The following ATXN3 variants were observed in gnomAD, a reference collection of about 807,000 sequenced individuals.
ATXN3 encodes ataxin-3.
Under a neutral mutation model 58.2 loss-of-function variants are expected in ATXN3, and 28 were observed. The observed-to-expected ratio is 0.48, with a 90% CI of 0.36 to 0.66. The LOEUF (loss-of-function observed/expected upper bound fraction) is 0.66, where lower values mean the gene tolerates loss of function less well. ATXN3 is among the 30% of genes least tolerant of loss of function. The probability of loss-of-function intolerance (pLI) is 0.00; values close to 1 mark genes in which losing one functional copy is unlikely to be tolerated. For synonymous variants in ATXN3, 113 were observed against 138.5 expected (o/e 0.82, Z 1.29); for missense variants, 321 against 422.1 (o/e 0.76, Z 2.10).
At position 92,062,250 on chromosome 14, in the gene ATXN3, C is replaced by A. The variant is rs1377883906; in HGVS notation, c.*2070G>T. The A allele has an allele frequency of 1.3e-5, 2 of 151,640 alleles. No homozygotes were observed. Among genetic ancestry groups the A allele is most frequent in the Non-Finnish European group, 2.9e-5 (2 of 67,980 alleles). The allele number at this position is 151,640 out of a possible 1,614,324, so 9.4% of individuals were successfully genotyped here. A position where few individuals can be genotyped will look rare whatever the true frequency, so the allele number is the denominator to read the frequency against. On this transcript the variant is annotated 3_prime_UTR_variant, in exon 11 of 11. Coordinates refer to ENST00000644486, the MANE Select transcript of ATXN3 (RefSeq NM_004993.6). ...CCAGCCTGGGAGACATAGCAAGACT[C>A]CGTCTCAAAAAAAAACAAAAACAAA...
downstream of ATXN3, among the ~76,000 whole-genome samples, chr14:92,056,346 C>A (rs533453044): frequency 2.6e-5 from 4 of 152,100 alleles, no homozygotes; most frequent in South Asian, 6.2e-4. Flanking sequence ...AGGTTACTGC[C>A]GGTATGTAAA....
intron 1 of ATXN3, among the ~76,000 whole-genome samples, chr14:92,101,275 G>A (rs1271811658): frequency 2.0e-5 from 3 of 152,132 alleles, no homozygotes; most frequent in African/African-American, 7.2e-5. Context: ...AGGCTACACG[G>A]AGCTAAGATT....
At chr14:92,083,969 C>T (rs374576695) in intron 6 of ATXN3, among the ~76,000 whole-genome samples, 3 of 152,172 alleles carry the variant, frequency 2.0e-5, no homozygotes, top group African/African-American at 4.8e-5. Context: ...AAACATCAGA[C>T]TCCAAGTTCT....
intron 5 of ATXN3, among the ~76,000 whole-genome samples, chr14:92,089,306 A>ACTGCAC (rs1250555078): frequency 2.3e-4 from 33 of 145,402 alleles, no homozygotes; most frequent in African/African-American, 8.2e-4. Flanking sequence ...AACATGAGCC[A>ACTGCAC]CTGCACCTGG....
intron 10 of ATXN3, among the ~76,000 whole-genome samples, chr14:92,069,366 C>CA (rs2059031439): frequency 8.0e-6 from 1 of 124,980 alleles, no homozygotes; most frequent in African/African-American, 3.1e-5. Flanking sequence ...CCACCGTGTC[C>CA]AGCCCTTTTT....
At chr14:92,051,713 C>CT (rs1168763514), upstream of ATXN3, among the ~76,000 whole-genome samples, 8 of 69,672 alleles carry the variant, frequency 1.1e-4, no homozygotes, top group Non-Finnish European at 1.8e-4. Flanking sequence ...TTCTTCTTTT[C>CT]CTTTCTTTTT....
chr14:92,046,756 GA>G (rs1162599460), intron 2 of ATXN3, among the ~76,000 whole-genome samples: 1 of 152,174 alleles, frequency 6.6e-6, no homozygotes, highest in Non-Finnish European at 1.5e-5. Flanking sequence ...CCATGCCCAG[GA>G]AGGAAAGGAG....
At chr14:92,089,746 C>T (rs920361975) in intron 5 of ATXN3, among the ~76,000 whole-genome samples, 6 of 152,134 alleles carry the variant, frequency 3.9e-5, no homozygotes, top group African/African-American at 1.4e-4. Context: ...TTATTAATAG[C>T]TATAATTAAA....
rs376316878 is a variant in ATXN3, at chr14:92,060,249, C to CATATAT, written c.*4065_*4070dup. Reference sequence around the variant, plus strand: ...ATATATATACATATATATATACACACATATATATATATATATATATATTTT... The same window carrying CATATAT: ...ATATATATACATATATATATACACACATATATATATATATATATATATATATATTTT... On this transcript the variant is annotated 3_prime_UTR_variant, in exon 11 of 11. Transcript: ENST00000644486. 33 of 134,526 alleles carry CATATAT rather than the reference C, an allele frequency of 2.5e-4. 1 individual carries two copies. Among genetic ancestry groups the CATATAT allele is most frequent in the African/African-American group, 8.1e-4 (28 of 34,760 alleles). The allele number at this position is 134,526 out of a possible 1,614,324, so 8.3% of individuals were successfully genotyped here. A position where few individuals can be genotyped will look rare whatever the true frequency, so the allele number is the denominator to read the frequency against.
At chr14:92,096,555 C>T (rs1306797315) in intron 2 of ATXN3, 119 bp downstream of exon 2, 3 of 1,041,262 alleles carry the variant, frequency 2.9e-6, no homozygotes, top group Non-Finnish European at 4.1e-6. Flanking sequence ...ACCCGGGAGG[C>T]AGAGGTTGCA....
At position 92,106,573 on chromosome 14, in the gene ATXN3, C is replaced by G. The variant is rs2068482619; in HGVS notation, c.-21G>C. The G allele has an allele frequency of 1.2e-6, 2 of 1,612,160 alleles. No individual in the cohort carries two copies. Among genetic ancestry groups the G allele is most frequent in the East Asian group, 4.5e-5 (2 of 44,740 alleles). On this transcript the variant is annotated 5_prime_UTR_variant, in exon 1 of 11. Transcript: ENST00000644486. ...TCCATGTTTATTTGTCTGGAGCCAACGGCCCCCACGCCGAACCACCCCCTC... is the reference window on the plus strand; with the variant it reads ...TCCATGTTTATTTGTCTGGAGCCAAGGGCCCCCACGCCGAACCACCCCCTC...
intron 1 of ATXN3, among the ~76,000 whole-genome samples, chr14:92,102,424 G>T (rs1021605848): frequency 2.6e-5 from 4 of 152,170 alleles, no homozygotes; most frequent in African/African-American, 4.8e-5. Context: ...AAAGAGAACT[G>T]CTACCAAATC....
chr14:92,061,335 G>T lies in ATXN3; in HGVS notation c.*2985C>A, dbSNP rs2057764623. 6.6e-6 allele frequency: 1 copy of T among 151,828 alleles called. No homozygotes were observed. Among genetic ancestry groups the T allele is most frequent in the African/African-American group, 2.4e-5 (1 of 41,348 alleles). 9.4% of individuals were successfully genotyped at this position (151,828 alleles called of 1,614,324 possible). ...CCTAGTATAGAGTTTACCTGCAGCA[G>T]CCTTTTCAAACAGTTTATATTACTG... On this transcript the variant is annotated 3_prime_UTR_variant, in exon 11 of 11. Transcript: ENST00000644486.
chr14:92,065,931 T>C (rs2058316404), intron 10 of ATXN3, among the ~76,000 whole-genome samples: 1 of 152,050 alleles, frequency 6.6e-6, no homozygotes, highest in Non-Finnish European at 1.5e-5. Flanking sequence ...AAAGAGGCAT[T>C]CAGCAATTAA....
chr14:92,093,585 G>A lies in ATXN3; in HGVS notation c.320+161C>T, dbSNP rs1023637613. 9.5e-5 allele frequency: 64 copies of A among 674,274 alleles called. No homozygotes were observed. The Middle Eastern group carries it at 1.7e-3, about 17-fold the overall frequency. The allele number at this position is 674,274 out of a possible 1,614,324, so 41.8% of individuals were successfully genotyped here. A position where few individuals can be genotyped will look rare whatever the true frequency, so the allele number is the denominator to read the frequency against. ...GTGCCAGGAAGGCTACAGGGCAGAT[G>A]CTCATGGACATCACAAAGGTGAAAT... On this transcript the variant is annotated intron_variant, in intron 4 of 10. Transcript: ENST00000644486.
chr14:92,100,571 G>A (rs1441493874), intron 1 of ATXN3, among the ~76,000 whole-genome samples: 1 of 152,016 alleles, frequency 6.6e-6, no homozygotes, highest in East Asian at 1.9e-4. Flanking sequence ...TTCTGGAACA[G>A]TATGGATAAA....
intron 6 of ATXN3, among the ~76,000 whole-genome samples, chr14:92,086,843 A>C (rs193135154): frequency 6.6e-6 from 1 of 152,022 alleles, no homozygotes; most frequent in Non-Finnish European, 1.5e-5. Context: ...AACTGATTAT[A>C]TAAGAGAGTG....
At chr14:92,071,701 C>T (rs2059484560) in intron 9 of ATXN3, 2 of 182,372 alleles carry the variant, frequency 1.1e-5, no homozygotes, top group South Asian at 1.1e-4. Context: ...TTGAAAGTCA[C>T]CAAAAATAAG....
At chr14:92,082,680 ACTCT>A (rs929118220) in intron 7 of ATXN3, among the ~76,000 whole-genome samples, 1 of 135,986 alleles carries the variant, frequency 7.4e-6, no homozygotes, top group African/African-American at 2.8e-5. Flanking sequence ...ACAGGGTCTG[ACTCT>A]CTCGACCAGG....
Sources: gnomAD v4.1 joint callset for allele counts (sites outside exome capture counted in the v4.1 genomes callset) on GRCh38, gnomAD v4.1.1 for gene constraint, MANE v1.5 for transcripts, NCBI Gene and HGNC (gene_info 2026-07-23, HGNC 2026-07-21) for gene names.